The following ZBTB20 variants were observed in gnomAD, a reference collection of about 807,000 sequenced individuals.
The protein encoded by ZBTB20 is zinc finger and BTB domain-containing protein 20.
Under a neutral mutation model 56.9 loss-of-function variants are expected in ZBTB20, and 9 were observed. That is an observed-to-expected ratio of 0.16 (90% CI 0.10 to 0.28). The LOEUF (loss-of-function observed/expected upper bound fraction) is 0.28. Among genes scored for constraint, ZBTB20 ranks in the 10% least tolerant of loss-of-function variants. The probability of loss-of-function intolerance (pLI) is 1.00; values close to 1 mark genes in which losing one functional copy is unlikely to be tolerated. For synonymous variants in ZBTB20, 417 were observed against 420.7 expected, an observed-to-expected ratio of 0.99 and a Z score of 0.11; for missense variants, 655 against 1,003.0, an observed-to-expected ratio of 0.65 and a Z score of 4.69.
chr3:114,428,928 TG>T (rs1376570360), intron 7 of ZBTB20, among the ~76,000 whole-genome samples: 2 of 152,196 alleles, frequency 1.3e-5, no homozygotes, highest in African/African-American at 4.8e-5. Flanking sequence ...CAGATAGATT[TG>T]GGGCTATGAG....
At chr3:114,349,389 T>C (rs2080459107) in intron 11 of ZBTB20, among the ~76,000 whole-genome samples, 2 of 152,142 alleles carry the variant, frequency 1.3e-5, no homozygotes, top group African/African-American at 4.8e-5. Flanking sequence ...GAAAAAGGAT[T>C]GGCTGAGAGA....
intron 4 of ZBTB20, among the ~76,000 whole-genome samples, chr3:114,891,485 T>C (rs532098214): frequency 2.2e-4 from 34 of 152,332 alleles, no homozygotes; most frequent in South Asian, 1.9e-3. Flanking sequence ...CTGATGACAA[T>C]AAATTACCAT....
chr3:114,887,673 T>C (rs1195106567), intron 4 of ZBTB20, among the ~76,000 whole-genome samples: 1 of 152,186 alleles, frequency 6.6e-6, no homozygotes, highest in Non-Finnish European at 1.5e-5. Flanking sequence ...AATGTGGCCC[T>C]GCTGCATTTT....
chr3:115,089,618 T>C (rs910867763), intron 1 of ZBTB20, among the ~76,000 whole-genome samples: 8 of 151,768 alleles, frequency 5.3e-5, no homozygotes, highest in African/African-American at 1.9e-4. Context: ...GGAAAAAATA[T>C]AATAGGATGT....
chr3:114,365,665 T>C (rs966649163), intron 10 of ZBTB20, among the ~76,000 whole-genome samples: 2 of 151,898 alleles, frequency 1.3e-5, no homozygotes, highest in Non-Finnish European at 2.9e-5. Flanking sequence ...GAGGTGGGAG[T>C]GGGAAAACCT....
At chr3:114,613,412 A>G (rs1413716985) in intron 6 of ZBTB20, among the ~76,000 whole-genome samples, 4 of 152,196 alleles carry the variant, frequency 2.6e-5, no homozygotes, top group African/African-American at 7.2e-5. Flanking sequence ...TTATTGAATA[A>G]TAGTAGTAGA....
chr3:114,350,288 A>T lies in ZBTB20; in HGVS notation c.1790T>A (p.Met597Lys). The change falls in exon 11 of 12, where the codon ATG (methionine) becomes AAG (lysine). Residue 597 changes from methionine (M) to lysine (K), a missense_variant. Around this residue, in one of 10 missense-constraint regions of ZBTB20, gnomAD observed 10 missense variants for 98.5 expected, o/e 0.10. Transcript: ENST00000675478. Reference sequence around the variant, plus strand: ...GTGACACTCACCTGTGTGTACGAACATGTGCTTGACGTAGTTCTGTTTGGC... The same window carrying T: ...GTGACACTCACCTGTGTGTACGAACTTGTGCTTGACGTAGTTCTGTTTGGC... Reference protein sequence around the residue: ...FTAKQNYVKHMFVHTGEKPHQ... With the variant: ...FTAKQNYVKHKFVHTGEKPHQ... 1 of 1,606,716 alleles carries T rather than the reference A, an allele frequency of 6.2e-7. No homozygotes were observed. The highest frequency in any genetic ancestry group is 8.5e-7 in the Non-Finnish European group (1 of 1,174,448).
At chr3:114,789,318 T>C (rs551400071) in intron 5 of ZBTB20, among the ~76,000 whole-genome samples, 1 of 152,208 alleles carries the variant, frequency 6.6e-6, no homozygotes, top group South Asian at 2.1e-4. Context: ...TCCAGAAAAA[T>C]GGTTTCCAAT....
chr3:115,078,457 C>T (rs1253494260), intron 1 of ZBTB20, among the ~76,000 whole-genome samples: 2 of 151,998 alleles, frequency 1.3e-5, no homozygotes, highest in East Asian at 3.9e-4. Context: ...ACATGTTTCA[C>T]TCATAGGATC....
chr3:114,850,336 G>T (rs533977402), intron 4 of ZBTB20, among the ~76,000 whole-genome samples: 1 of 152,144 alleles, frequency 6.6e-6, no homozygotes, highest in South Asian at 2.1e-4. Context: ...ATATAAACAG[G>T]ATTTTTCATA....
chr3:114,454,212 A>AGAGAGAGAGAGAGAGAG (rs1553717402), intron 7 of ZBTB20, among the ~76,000 whole-genome samples: 7 of 71,762 alleles, frequency 9.8e-5, no homozygotes, highest in African/African-American at 4.5e-4. Context: ...GAGAGAGAGA[A>AGAGAGAGAGAGAGAGAG]ATTGGAGCTT....
At chr3:114,663,698 A>G (rs1268885009) in intron 6 of ZBTB20, among the ~76,000 whole-genome samples, 1 of 151,808 alleles carries the variant, frequency 6.6e-6, no homozygotes, top group African/African-American at 2.4e-5. Context: ...AGGAAGATCT[A>G]CCAAGCAAAT....
intron 5 of ZBTB20, among the ~76,000 whole-genome samples, chr3:114,697,237 C>G (rs565023960): frequency 6.6e-6 from 1 of 151,930 alleles, no homozygotes; most frequent in Non-Finnish European, 1.5e-5. Context: ...CACACACACC[C>G]GTCTTCCTTA....
At chr3:114,746,018 G>A (rs1299659098) in intron 5 of ZBTB20, among the ~76,000 whole-genome samples, 1 of 152,120 alleles carries the variant, frequency 6.6e-6, no homozygotes, top group Non-Finnish European at 1.5e-5. Flanking sequence ...TGGCGTAAAA[G>A]CATCTCCCTG....
chr3:114,700,258 G>C (rs2063314959), intron 5 of ZBTB20, among the ~76,000 whole-genome samples: 1 of 151,060 alleles, frequency 6.6e-6, no homozygotes, highest in East Asian at 1.9e-4. Flanking sequence ...ATTTATTCTT[G>C]TTCCTCACAG....
chr3:115,070,551 C>T (rs1054448546), intron 2 of ZBTB20, among the ~76,000 whole-genome samples: 2 of 152,030 alleles, frequency 1.3e-5, no homozygotes, highest in Admixed American at 6.6e-5. Flanking sequence ...ATAAACAATA[C>T]TATTTAATAG....
chr3:114,947,753 C>A (rs550457750), intron 3 of ZBTB20, among the ~76,000 whole-genome samples: 1 of 145,602 alleles, frequency 6.9e-6, no homozygotes, highest in African/African-American at 2.8e-5. Context: ...CACCACTATG[C>A]AATATATCTA....
At chr3:114,367,559 T>C (rs2082547487) in intron 10 of ZBTB20, among the ~76,000 whole-genome samples, 1 of 152,120 alleles carries the variant, frequency 6.6e-6, no homozygotes, top group Non-Finnish European at 1.5e-5. Context: ...ATGCCCAGCG[T>C]GAAAATCTCT....
chr3:114,775,200 C>T (rs546849308), intron 5 of ZBTB20, among the ~76,000 whole-genome samples: 2 of 151,786 alleles, frequency 1.3e-5, no homozygotes, highest in Non-Finnish European at 2.9e-5. Context: ...GGGACACAGT[C>T]CTGGGCTTCA....
Sources: allele counts gnomAD v4.1 joint callset (sites outside exome capture counted in the v4.1 genomes callset), GRCh38; gene constraint gnomAD v4.1.1; regional missense constraint gnomAD v4.1.1; transcripts MANE v1.5; gene names NCBI Gene and HGNC (gene_info 2026-07-23, HGNC 2026-07-21).